The following SNX29 variants were observed in gnomAD, a reference collection of about 807,000 sequenced individuals.
The protein encoded by SNX29 is sorting nexin 29.
In SNX29, 78 loss-of-function variants were observed where a neutral mutation model predicts 102.1. That is an observed-to-expected ratio of 0.76 (90% CI 0.64 to 0.92). The LOEUF (loss-of-function observed/expected upper bound fraction) is 0.92, where lower values mean the gene tolerates loss of function less well. SNX29 is among the 40% of genes least tolerant of loss of function. SNX29 has a pLI of 0.00. For synonymous variants in SNX29, 580 were observed against 414.5 expected (o/e 1.40, Z -4.85); for missense variants, 1,280 against 1,061.7 (o/e 1.21, Z -2.86).
chr16:12,076,004 C>G (rs2051547330), intron 10 of SNX29, among the ~76,000 whole-genome samples: 1 of 152,210 alleles, frequency 6.6e-6, no homozygotes, highest in Non-Finnish European at 1.5e-5. Context: ...CGCGCTGTTT[C>G]CTAAGCCCTT....
intron 18 of SNX29, among the ~76,000 whole-genome samples, chr16:12,449,847 T>G (rs2086226176): frequency 6.6e-6 from 1 of 152,232 alleles, no homozygotes; most frequent in South Asian, 2.1e-4. Context: ...AGACAACAGC[T>G]GTACATTTGA....
intron 20 of SNX29, among the ~76,000 whole-genome samples, chr16:12,540,541 G>C (rs141685994): frequency 5.3e-5 from 8 of 152,350 alleles, no homozygotes; most frequent in Middle Eastern, 3.4e-3. Context: ...GCGGCTTCCT[G>C]GCAGCCACCC....
At chr16:12,365,089 G>T (rs554041760) in intron 16 of SNX29, among the ~76,000 whole-genome samples, 1 of 152,228 alleles carries the variant, frequency 6.6e-6, no homozygotes, top group East Asian at 1.9e-4. Context: ...CTTCATGGTA[G>T]CACCTGAATG....
intron 20 of SNX29, chr16:12,527,402 C>A (rs1029781907): frequency 1.1e-5 from 5 of 471,000 alleles, no homozygotes; most frequent in Non-Finnish European, 2.0e-5. Flanking sequence ...AATAAACCCC[C>A]AAAGCATAAT....
At chr16:12,191,703 AG>A (rs1325413513) in intron 13 of SNX29, among the ~76,000 whole-genome samples, 1 of 152,232 alleles carries the variant, frequency 6.6e-6, no homozygotes, top group Non-Finnish European at 1.5e-5. Context: ...ATGTACAGTT[AG>A]GGAAAAATGG....
intron 15 of SNX29, among the ~76,000 whole-genome samples, chr16:12,338,371 G>A (rs940467774): frequency 2.0e-5 from 3 of 152,124 alleles, no homozygotes; most frequent in Non-Finnish European, 2.9e-5. Context: ...GAAGCTCATC[G>A]GGGATCAGAC....
chr16:12,513,701 G>T (rs2089737562), intron 19 of SNX29, among the ~76,000 whole-genome samples: 1 of 152,182 alleles, frequency 6.6e-6, no homozygotes, highest in African/African-American at 2.4e-5. Context: ...GATTAGAACA[G>T]TTTTCTTTTC....
Position 12,568,973 on chromosome 16 carries a change from T to C in SNX29, c.*344T>C, listed in dbSNP as rs1224964777. 2.8e-6 allele frequency: 1 copy of C among 353,172 alleles called. No individual in the cohort carries two copies. Among genetic ancestry groups the C allele is most frequent in the African/African-American group, 2.1e-5 (1 of 48,542 alleles). The allele number at this position is 353,172 out of a possible 1,614,324, so 21.9% of individuals were successfully genotyped here. On this transcript the variant is annotated 3_prime_UTR_variant, in exon 21 of 21. Transcript: ENST00000566228. ...CCAGGTCAGGCTGGGTGCGCCATGG[T>C]TGAGAGGCAAAGGTGATCCCCTATA...
intron 14 of SNX29, among the ~76,000 whole-genome samples, chr16:12,206,844 C>G (rs928297357): frequency 7.3e-6 from 1 of 136,636 alleles, no homozygotes; most frequent in African/African-American, 2.6e-5. Context: ...TAAAGCTTCC[C>G]AAATGATTCC....
At chr16:12,418,737 C>A (rs181906961) in intron 18 of SNX29, among the ~76,000 whole-genome samples, 203 of 152,176 alleles carry the variant, frequency 1.3e-3, no homozygotes, top group African/African-American at 4.7e-3. Flanking sequence ...CTGGTCTCGA[C>A]CTCCTAACCT....
chr16:12,365,121 C>G (rs1488216950), intron 16 of SNX29, among the ~76,000 whole-genome samples: 1 of 152,100 alleles, frequency 6.6e-6, no homozygotes, highest in Admixed American at 6.6e-5. Context: ...CTCTTTTGTT[C>G]CATACCACCA....
chr16:11,987,586 G>C (rs972874449), intron 1 of SNX29, among the ~76,000 whole-genome samples: 1 of 152,012 alleles, frequency 6.6e-6, no homozygotes, highest in Non-Finnish European at 1.5e-5. Flanking sequence ...TAGTAAAGAC[G>C]GGGTTTCACC....
intron 13 of SNX29, among the ~76,000 whole-genome samples, chr16:12,196,225 C>A (rs1001056391): frequency 2.0e-5 from 3 of 152,052 alleles, no homozygotes; most frequent in Non-Finnish European, 4.4e-5. Context: ...CTGTCTCAGC[C>A]TCCCCAGGTG....
intron 20 of SNX29, among the ~76,000 whole-genome samples, chr16:12,547,361 G>T (rs1336068578): frequency 6.6e-6 from 1 of 152,222 alleles, no homozygotes; most frequent in Non-Finnish European, 1.5e-5. Flanking sequence ...CTGCCATGTG[G>T]AGTCAGCAAA....
chr16:12,233,278 C>A (rs75578605), intron 14 of SNX29, among the ~76,000 whole-genome samples: 5,886 of 152,184 alleles, frequency 0.039, 407 homozygotes, highest in African/African-American at 0.14. Context: ...TGAAATCTTG[C>A]CCTTTGCAGC....
chr16:12,478,692 C>T (rs561915698), intron 19 of SNX29, among the ~76,000 whole-genome samples: 1 of 152,302 alleles, frequency 6.6e-6, no homozygotes, highest in Admixed American at 6.5e-5. Flanking sequence ...TGTCACTCCT[C>T]ATGTTTGTTT....
intron 20 of SNX29, chr16:12,557,631 G>A (rs928923833): frequency 3.3e-5 from 5 of 152,120 alleles, no homozygotes; most frequent in African/African-American, 1.2e-4. Context: ...CAGAATGCTG[G>A]GATTGCAGGT....
intron 20 of SNX29, among the ~76,000 whole-genome samples, chr16:12,528,678 A>C (rs2076851835): frequency 6.6e-6 from 1 of 152,218 alleles, no homozygotes; most frequent in South Asian, 2.1e-4. Context: ...ACCTGCCTGC[A>C]TGACTACCTG....
rs1437522338 is a variant in SNX29 at position 12,407,317 on chromosome 16, T to TTA, written c.2037+3789_2037+3790dup. ...CCTTTGGCAGGTGACAAGCTTAAGG[T>TTA]TAATTAGATTGTTTTTTTTTTTTCT... is the stretch of plus-strand genomic sequence containing the variant. On this transcript the variant is annotated intron_variant, in intron 18 of 20. Transcript: ENST00000566228. Among the ~76,000 whole-genome samples the TTA allele has an allele frequency of 2.3e-5, 3 of 132,268 alleles. No individual in the cohort carries two copies. In the East Asian group the frequency reaches 6.3e-4, roughly 28 times the overall value. 86.8% of individuals were successfully genotyped at this position (132,268 alleles called of 152,430 possible). A position where few individuals can be genotyped will look rare whatever the true frequency, so the allele number is the denominator to read the frequency against.
Sources: allele counts gnomAD v4.1 joint callset (sites outside exome capture counted in the v4.1 genomes callset), GRCh38; gene constraint gnomAD v4.1.1; transcripts MANE v1.5; gene names NCBI Gene and HGNC (gene_info 2026-07-23, HGNC 2026-07-21).